Variants in ARHGAP10 observed in about 807,000 individuals in gnomAD.
ARHGAP10 encodes the protein Rho GTPase activating protein 10.
Under a neutral mutation model 108.6 loss-of-function variants are expected in ARHGAP10, and 87 were observed. The ratio of observed to expected loss-of-function variants is 0.80; its 90% CI spans 0.67 to 0.96. The LOEUF (loss-of-function observed/expected upper bound fraction) is 0.96, where lower values mean the gene tolerates loss of function less well. Among genes scored for constraint, ARHGAP10 ranks in the 40% least tolerant of loss-of-function variants. ARHGAP10 has a pLI of 0.00. For missense variants in ARHGAP10, 939 were observed against 954.5 expected (o/e 0.98, Z 0.21); for synonymous variants, 347 against 341.1 (o/e 1.02, Z -0.19).
chr4:147,748,415 T>C (rs1729017935), intron 1 of ARHGAP10, among the ~76,000 whole-genome samples: 1 of 152,266 alleles, frequency 6.6e-6, no homozygotes, highest in African/African-American at 2.4e-5. Context: ...TACCAAGTTT[T>C]AGTTTTAGAA....
intron 13 of ARHGAP10, among the ~76,000 whole-genome samples, chr4:147,930,648 A>G (rs1457531075): frequency 6.6e-6 from 1 of 152,128 alleles, no homozygotes; most frequent in African/African-American, 2.4e-5. Context: ...TTTCTAGCCT[A>G]TCTTCTCATT....
At position 148,060,345 on chromosome 4, in the gene ARHGAP10, GT is replaced by G. The variant is rs75224309; in HGVS notation, c.2028-2782del. Among the ~76,000 whole-genome samples, 561 of 135,086 alleles carry G rather than the reference GT, an allele frequency of 4.2e-3. 2 individuals carry two copies. Among genetic ancestry groups the G allele is most frequent in the East Asian group, 0.015 (72 of 4,896 alleles). The allele number at this position is 135,086 out of a possible 152,430, so 88.6% of individuals were successfully genotyped here. On this transcript the variant is annotated intron_variant, in intron 20 of 22. Coordinates refer to ENST00000336498, the MANE Select transcript of ARHGAP10 (RefSeq NM_024605.4). ...GGTTACATAACGAAGCTCATGTTTA[GT>G]TTTTTTTTTTTTTTTTTTTTGGCCT... is the stretch of plus-strand genomic sequence containing the variant.
intron 16 of ARHGAP10, among the ~76,000 whole-genome samples, chr4:147,963,505 T>A (rs539005835): frequency 6.6e-6 from 1 of 152,368 alleles, no homozygotes; most frequent in South Asian, 2.1e-4. Context: ...ACAAACATTT[T>A]ATTGATTTAT....
chr4:147,909,999 C>G (rs1174815418), intron 12 of ARHGAP10, among the ~76,000 whole-genome samples: 1 of 151,578 alleles, frequency 6.6e-6, no homozygotes, highest in African/African-American at 2.4e-5. Flanking sequence ...TCTTTCCCAT[C>G]TGTGGGCTTT....
At chr4:147,806,495 G>A (rs1025112217) in intron 1 of ARHGAP10, among the ~76,000 whole-genome samples, 25 of 151,432 alleles carry the variant, frequency 1.7e-4, no homozygotes, top group African/African-American at 5.8e-4. Context: ...CTGTTTTTGG[G>A]GGGGCGGGGG....
intron 1 of ARHGAP10, among the ~76,000 whole-genome samples, chr4:147,819,997 G>A (rs1732417344): frequency 1.3e-5 from 2 of 152,150 alleles, no homozygotes; most frequent in Admixed American, 1.3e-4. Flanking sequence ...AAATAAGTTT[G>A]GGTGAATGAG....
At chr4:147,907,964 T>C (rs1416716341) in intron 11 of ARHGAP10, among the ~76,000 whole-genome samples, 1 of 152,108 alleles carries the variant, frequency 6.6e-6, no homozygotes, top group Non-Finnish European at 1.5e-5. Context: ...TGCTTCAGCC[T>C]CCCAAGTAGC....
At chr4:147,994,625 A>G (rs1740403952) in intron 18 of ARHGAP10, among the ~76,000 whole-genome samples, 1 of 152,228 alleles carries the variant, frequency 6.6e-6, no homozygotes, top group Admixed American at 6.5e-5. Flanking sequence ...CTCAATATCC[A>G]TCTCCTGTAC....
chr4:147,913,650 G>T (rs1157923208), intron 13 of ARHGAP10, among the ~76,000 whole-genome samples: 4 of 152,098 alleles, frequency 2.6e-5, no homozygotes, highest in African/African-American at 9.7e-5. Flanking sequence ...CCACCCTAAA[G>T]GCCTCTTTAA....
chr4:147,809,189 A>G (rs997361278), intron 1 of ARHGAP10: 1 of 152,332 alleles, frequency 6.6e-6, no homozygotes, highest in African/African-American at 2.4e-5. Context: ...AGCCTGGGCA[A>G]CATAGCAAGA....
At chr4:147,809,602 G>C (rs960344874) in intron 1 of ARHGAP10, among the ~76,000 whole-genome samples, 4 of 152,142 alleles carry the variant, frequency 2.6e-5, no homozygotes, top group African/African-American at 9.7e-5. Context: ...GGGTTTGTGA[G>C]CCCCACTCTG....
intron 18 of ARHGAP10, among the ~76,000 whole-genome samples, chr4:148,003,337 A>T (rs1028043454): frequency 6.6e-6 from 1 of 152,190 alleles, no homozygotes; most frequent in South Asian, 2.1e-4. Flanking sequence ...ACTTCCAACT[A>T]TGTGGTCAGT....
intron 15 of ARHGAP10, among the ~76,000 whole-genome samples, chr4:147,948,210 T>C (rs1212576155): frequency 2.0e-5 from 3 of 152,076 alleles, no homozygotes; most frequent in African/African-American, 7.2e-5. Context: ...AGTGCTGGGA[T>C]CTACCTGCCA....
intron 19 of ARHGAP10, among the ~76,000 whole-genome samples, chr4:148,045,814 G>A (rs141712733): frequency 5.9e-5 from 9 of 151,658 alleles, no homozygotes; most frequent in African/African-American, 1.9e-4. Flanking sequence ...GCTGTTGCTG[G>A]TGTTCTTGCT....
At chr4:147,767,971 G>T (rs1214347951) in intron 1 of ARHGAP10, among the ~76,000 whole-genome samples, 1 of 152,238 alleles carries the variant, frequency 6.6e-6, no homozygotes, top group Admixed American at 6.5e-5. Context: ...GAATATACTA[G>T]GGAGTACCTT....
chr4:147,942,516 G>A (rs928986792), intron 14 of ARHGAP10, among the ~76,000 whole-genome samples: 1 of 152,000 alleles, frequency 6.6e-6, no homozygotes, highest in Non-Finnish European at 1.5e-5. Context: ...CTTTTTTCTG[G>A]TATGTTTTTT....
At chr4:148,023,100 A>G in intron 18 of ARHGAP10, 163 bp from the exon 19 acceptor site, 1 of 615,298 alleles carries the variant, frequency 1.6e-6, no homozygotes, top group East Asian at 2.9e-5. Context: ...TGTTAAAAAA[A>G]TAAAAGGCTA....
At chr4:147,874,234 GT>G (rs929199545) in intron 7 of ARHGAP10, among the ~76,000 whole-genome samples, 1 of 152,168 alleles carries the variant, frequency 6.6e-6, no homozygotes, top group African/African-American at 2.4e-5. Context: ...CACATCAGCA[GT>G]TTTTTGGTAT....
rs191125516 is a variant in ARHGAP10, at chr4:147,867,957, A to G, written c.702+1141A>G. On this transcript the variant is annotated intron_variant, in intron 7 of 22. Transcript: ENST00000336498. ...TTTTTTTTTATGTACAGTTCCTTAT[A>G]CTAAGGAGTGTAGCTGATAAAACCT... 1.6e-3 allele frequency among the ~76,000 whole-genome samples: 227 copies of G among 144,462 alleles called. 1 individual carries two copies. Among genetic ancestry groups the G allele is most frequent in the African/African-American group, 5.4e-3 (211 of 38,942 alleles). 94.8% of individuals were successfully genotyped at this position (144,462 alleles called of 152,430 possible).
Sources: allele counts gnomAD v4.1 joint callset (sites outside exome capture counted in the v4.1 genomes callset), GRCh38; gene constraint gnomAD v4.1.1; transcripts MANE v1.5; gene names NCBI Gene and HGNC (gene_info 2026-07-23, HGNC 2026-07-21).